ADAMTS17: variants seen among roughly 807,000 people sequenced by gnomAD.
ADAMTS17 encodes the protein A disintegrin and metalloproteinase with thrombospondin motifs 17.
A neutral mutation model predicts 141.5 loss-of-function variants in ADAMTS17; 113 were observed. The observed-to-expected ratio is 0.80, with a 90% CI of 0.69 to 0.93. The LOEUF is 0.93. Ranked by LOEUF, ADAMTS17 falls within the 40% of genes least tolerant of loss-of-function variation. The pLI, the probability that ADAMTS17 is intolerant of heterozygous loss-of-function variation, is 0.00. For missense variants in ADAMTS17, 1,659 were observed against 1,517.9 expected (o/e 1.09, Z -1.54); for synonymous variants, 768 against 630.6 (o/e 1.22, Z -3.27).
At chr15:100,261,164 T>G (rs1596384790) in intron 6 of ADAMTS17, among the ~76,000 whole-genome samples, 1 of 151,718 alleles carries the variant, frequency 6.6e-6, no homozygotes. Context: ...CACACTGGAG[T>G]AAGGTGAGCC....
At chr15:100,056,834 C>G (rs931812279) in intron 15 of ADAMTS17, among the ~76,000 whole-genome samples, 3 of 152,148 alleles carry the variant, frequency 2.0e-5, no homozygotes, top group African/African-American at 7.2e-5. Context: ...AGACACAGCT[C>G]TTGCTCCCAG....
intron 10 of ADAMTS17, among the ~76,000 whole-genome samples, chr15:100,135,444 C>T (rs1416633573): frequency 3.3e-5 from 5 of 152,066 alleles, no homozygotes; most frequent in South Asian, 4.2e-4. Flanking sequence ...CCACCACACC[C>T]GGCTAATTTT....
chr15:100,325,301 G>A (rs1415182251), intron 3 of ADAMTS17, among the ~76,000 whole-genome samples: 1 of 152,154 alleles, frequency 6.6e-6, no homozygotes, highest in Non-Finnish European at 1.5e-5. Context: ...TAACCCCCAG[G>A]ACCTTAGAAT....
intron 18 of ADAMTS17, among the ~76,000 whole-genome samples, chr15:100,011,009 G>A (rs776135933): frequency 6.6e-5 from 10 of 152,110 alleles, no homozygotes; most frequent in African/African-American, 1.7e-4. Context: ...GCGCGTCTCC[G>A]GAAGCCGGCG....
chr15:100,136,690 A>G (rs756265853), intron 10 of ADAMTS17, among the ~76,000 whole-genome samples: 3 of 152,224 alleles, frequency 2.0e-5, no homozygotes, highest in Non-Finnish European at 4.4e-5. Context: ...CAAGACTCAT[A>G]AAGAAGAGAA....
At chr15:99,978,071 G>A (rs1453596419) in intron 20 of ADAMTS17, among the ~76,000 whole-genome samples, 1 of 152,218 alleles carries the variant, frequency 6.6e-6, no homozygotes, top group Non-Finnish European at 1.5e-5. Context: ...GGTGAGGGAG[G>A]CAGGTGCCCC....
intron 6 of ADAMTS17, among the ~76,000 whole-genome samples, chr15:100,257,691 T>A (rs1389154206): frequency 6.6e-6 from 1 of 152,228 alleles, no homozygotes; most frequent in Non-Finnish European, 1.5e-5. Context: ...CCCATGCAAT[T>A]AGGATCCCTC....
chr15:100,038,530 AAT>A (rs1243345651), intron 18 of ADAMTS17, among the ~76,000 whole-genome samples: 3 of 152,180 alleles, frequency 2.0e-5, no homozygotes, highest in Non-Finnish European at 4.4e-5. Flanking sequence ...TAGTTTTCAG[AAT>A]ATGTTTTAAA....
At chr15:100,257,873 C>A (rs1360668020) in intron 6 of ADAMTS17, among the ~76,000 whole-genome samples, 1 of 152,162 alleles carries the variant, frequency 6.6e-6, no homozygotes, top group Non-Finnish European at 1.5e-5. Flanking sequence ...TTTCCATCAC[C>A]CCACACCGAA....
chr15:100,335,058 T>A (rs2046168074), intron 2 of ADAMTS17, among the ~76,000 whole-genome samples: 1 of 151,896 alleles, frequency 6.6e-6, no homozygotes, highest in South Asian at 2.1e-4. Context: ...CAGAGTGCCC[T>A]CCCAGGACGG....
At chr15:100,087,339 ATAAT>A (rs1001724878) in intron 15 of ADAMTS17, among the ~76,000 whole-genome samples, 3 of 152,236 alleles carry the variant, frequency 2.0e-5, no homozygotes, top group Non-Finnish European at 2.9e-5. Flanking sequence ...AATTTAGGCA[ATAAT>A]TAATAGCTTA....
intron 13 of ADAMTS17, among the ~76,000 whole-genome samples, chr15:100,113,142 A>C (rs115745426): frequency 6.6e-6 from 1 of 152,136 alleles, no homozygotes; most frequent in Non-Finnish European, 1.5e-5. Flanking sequence ...GGATTTTACC[A>C]GCAGTGAGCA....
Position 99,997,615 on chromosome 15 carries a change from A to G in ADAMTS17, c.2592-26T>C, listed in dbSNP as rs753876970. ...CTGCCAGACGGGAGGAAAGAGAGAG[A>G]GAACGACTGGGTGAGAGGCCAGCCT... On this transcript the variant is annotated intron_variant, in intron 18 of 21. Coordinates refer to ENST00000268070, the MANE Select transcript of ADAMTS17 (RefSeq NM_139057.4). This position sits in a 1 kb window ranked among gnomAD's most constrained non-coding sequence, Gnocchi z 4.7. 1.2e-6 allele frequency: 2 copies of G among 1,611,728 alleles called. No individual in the cohort carries two copies. Among genetic ancestry groups the G allele is most frequent in the East Asian group, 2.2e-5 (1 of 44,876 alleles).
At position 99,976,072 on chromosome 15, in the gene ADAMTS17, CG is replaced by C. The variant is rs2060318310; in HGVS notation, c.3099del (p.Asn1033LysfsTer13). The C allele has an allele frequency of 2.6e-6, 4 of 1,551,428 alleles. No individual in the cohort carries two copies. The highest frequency in any genetic ancestry group is 3.5e-6 in the Non-Finnish European group (4 of 1,146,864). On this transcript the variant is annotated frameshift_variant, in exon 21 of 22. Coordinates refer to ENST00000268070, the MANE Select transcript of ADAMTS17 (RefSeq NM_139057.4). LOFTEE classifies it high-confidence loss of function. Reference sequence around the variant, plus strand: ...AGGCGGGGGGAGGTGATGGTGTTGGCGTTGATCCTGTCGTTGCAGACCTCCT... The same window carrying C: ...AGGCGGGGGGAGGTGATGGTGTTGGCTTGATCCTGTCGTTGCAGACCTCCT... ...CYQEVCNDRI[N>X]ANTITSPRLA...
intron 2 of ADAMTS17, among the ~76,000 whole-genome samples, chr15:100,335,429 C>A (rs555374191): frequency 6.6e-6 from 1 of 152,130 alleles, no homozygotes; most frequent in Non-Finnish European, 1.5e-5. Context: ...TGAAGGCTAC[C>A]CTCCTCCCTC....
intron 14 of ADAMTS17, among the ~76,000 whole-genome samples, chr15:100,099,243 C>G (rs879317676): frequency 2.0e-5 from 3 of 152,184 alleles, no homozygotes; most frequent in African/African-American, 2.4e-5. Context: ...CTGTCTGCAT[C>G]TGGAGACAGG....
In ADAMTS17 at chr15:100,168,077, T is replaced by G. The variant is rs1338946012; in HGVS notation, c.1182-12757A>C. On this transcript the variant is annotated intron_variant, in intron 8 of 21. Transcript: ENST00000268070. ...GTACGTGTTGGCTTTCTGGGACTCCTGTTCCCCCTTCAAGTCTGCGGCGGG... is the reference window on the plus strand; with the variant it reads ...GTACGTGTTGGCTTTCTGGGACTCCGGTTCCCCCTTCAAGTCTGCGGCGGG... Among the ~76,000 whole-genome samples, 18 of 152,220 alleles carry G rather than the reference T, an allele frequency of 1.2e-4. 1 individual carries two copies. The highest frequency in any genetic ancestry group is 1.2e-3 in the Admixed American group (18 of 15,290).
chr15:100,339,024 C>T (rs1343034419), intron 2 of ADAMTS17: 3 of 985,426 alleles, frequency 3.0e-6, no homozygotes, highest in Non-Finnish European at 1.2e-6. Flanking sequence ...CAATGTCCAG[C>T]TCACACGAAC....
intron 18 of ADAMTS17, among the ~76,000 whole-genome samples, chr15:100,031,222 G>A (rs528868189): frequency 4.7e-4 from 71 of 152,306 alleles, no homozygotes; most frequent in African/African-American, 1.6e-3. Flanking sequence ...AATGGATGGA[G>A]CATTTCATTC....
Sources: gnomAD v4.1 joint callset for allele counts (sites outside exome capture counted in the v4.1 genomes callset) on GRCh38, gnomAD v4.1.1 for gene constraint, Gnocchi (gnomAD v3.1) non-coding constraint, MANE v1.5 for transcripts, NCBI Gene and HGNC (gene_info 2026-07-23, HGNC 2026-07-21) for gene names.